The following TAFA1 variants were observed in gnomAD, a reference collection of about 807,000 sequenced individuals.
The protein encoded by TAFA1 is chemokine-like protein TAFA-1.
In TAFA1, 4 loss-of-function variants were observed where a neutral mutation model predicts 18.5. That is an observed-to-expected ratio of 0.22 (90% CI 0.11 to 0.49). The LOEUF (loss-of-function observed/expected upper bound fraction) is 0.49, where lower values mean the gene tolerates loss of function less well. Ranked by LOEUF, TAFA1 falls within the 20% of genes least tolerant of loss-of-function variation. The probability of loss-of-function intolerance (pLI) is 0.98; values close to 1 mark genes in which losing one functional copy is unlikely to be tolerated. For missense variants in TAFA1, 147 were observed against 169.0 expected, an observed-to-expected ratio of 0.87 and a Z score of 0.72; for synonymous variants, 56 against 55.2, an observed-to-expected ratio of 1.01 and a Z score of -0.06.
chr3:68,228,941 G>A (rs965178926), intron 2 of TAFA1, among the ~76,000 whole-genome samples: 1 of 152,068 alleles, frequency 6.6e-6, no homozygotes, highest in African/African-American at 2.4e-5. Context: ...ACTGGGGGAG[G>A]GATTTAAAGA....
At chr3:68,499,764 A>C (rs1232593626) in intron 3 of TAFA1, among the ~76,000 whole-genome samples, 1 of 151,922 alleles carries the variant, frequency 6.6e-6, no homozygotes, top group Non-Finnish European at 1.5e-5. Flanking sequence ...GGTAGTTATT[A>C]GAAGCAAAGG....
intron 2 of TAFA1, among the ~76,000 whole-genome samples, chr3:68,028,713 C>G (rs1704868724): frequency 6.6e-6 from 1 of 151,606 alleles, no homozygotes; most frequent in Non-Finnish European, 1.5e-5. Context: ...CATCTTCTGT[C>G]TGTCAAATCT....
chr3:68,080,409 C>T (rs978315737), intron 2 of TAFA1, among the ~76,000 whole-genome samples: 9 of 151,868 alleles, frequency 5.9e-5, no homozygotes, highest in African/African-American at 1.5e-4. Flanking sequence ...TTCCTAGTCT[C>T]GATGGTCTTT....
intron 3 of TAFA1, among the ~76,000 whole-genome samples, chr3:68,463,797 G>A (rs142280967): frequency 2.0e-4 from 31 of 151,994 alleles, no homozygotes; most frequent in East Asian, 5.8e-4. Flanking sequence ...TTTATTCTCC[G>A]TGTTCCATAT....
At chr3:68,019,410 A>T (rs933639725) in intron 2 of TAFA1, among the ~76,000 whole-genome samples, 11 of 152,180 alleles carry the variant, frequency 7.2e-5, no homozygotes, top group Non-Finnish European at 1.3e-4. Context: ...GCATAGGATA[A>T]ATCTACATTT....
intron 2 of TAFA1, among the ~76,000 whole-genome samples, chr3:68,396,386 A>T (rs555606466): frequency 6.6e-6 from 1 of 152,272 alleles, no homozygotes; most frequent in African/African-American, 2.4e-5. Flanking sequence ...CTCTGTCTCT[A>T]CTACCTTTCC....
intron 2 of TAFA1, among the ~76,000 whole-genome samples, chr3:68,030,413 T>C (rs1186285004): frequency 2.0e-5 from 3 of 152,058 alleles, no homozygotes; most frequent in Non-Finnish European, 2.9e-5. Context: ...ATCCTTCCCC[T>C]AACCCCCCAC....
intron 3 of TAFA1, among the ~76,000 whole-genome samples, chr3:68,417,952 T>C (rs934581831): frequency 3.3e-5 from 5 of 152,094 alleles, no homozygotes; most frequent in African/African-American, 4.8e-5. Flanking sequence ...TCTCTCACTA[T>C]CATAAGAACA....
At chr3:68,171,475 A>G (rs1384619152) in intron 2 of TAFA1, among the ~76,000 whole-genome samples, 2 of 152,204 alleles carry the variant, frequency 1.3e-5, no homozygotes, top group African/African-American at 4.8e-5. Context: ...TTTCACAGCA[A>G]TAGAAATGTA....
chr3:68,200,677 C>T lies in TAFA1; in HGVS notation c.118+193933C>T, dbSNP rs962349726. Among the ~76,000 whole-genome samples the T allele has an allele frequency of 4.0e-5, 6 of 151,650 alleles. No homozygotes were observed. In the East Asian group the frequency reaches 1.2e-3, roughly 30 times the overall value. On this transcript the variant is annotated intron_variant, in intron 2 of 4. Transcript: ENST00000478136. ...ATGTACATGGGATCTGTAGCATGTACTAATATTAAAAATGAAAGGACATCA... is the reference window on the plus strand; with the variant it reads ...ATGTACATGGGATCTGTAGCATGTATTAATATTAAAAATGAAAGGACATCA...
At chr3:68,332,449 GA>G (rs1362738136) in intron 2 of TAFA1, among the ~76,000 whole-genome samples, 1 of 152,072 alleles carries the variant, frequency 6.6e-6, no homozygotes, top group African/African-American at 2.4e-5. Context: ...GCACAGCAAA[GA>G]AAACAGTCAA....
At chr3:68,266,291 A>G (rs1242050905) in intron 2 of TAFA1, among the ~76,000 whole-genome samples, 1 of 152,176 alleles carries the variant, frequency 6.6e-6, no homozygotes, top group African/African-American at 2.4e-5. Flanking sequence ...CTTTGGCTTA[A>G]AAGAATGAGA....
intron 3 of TAFA1, among the ~76,000 whole-genome samples, chr3:68,503,124 C>T (rs1292770128): frequency 6.6e-6 from 1 of 152,122 alleles, no homozygotes; most frequent in Non-Finnish European, 1.5e-5. Flanking sequence ...TACTTGATCT[C>T]ATGTGACAAG....
At chr3:68,099,484 T>A (rs1403487773) in intron 2 of TAFA1, among the ~76,000 whole-genome samples, 1 of 152,080 alleles carries the variant, frequency 6.6e-6, no homozygotes, top group Non-Finnish European at 1.5e-5. Context: ...GAATGGCTAT[T>A]ATTAAAAAGT....
chr3:68,079,420 G>C (rs1177832896), intron 2 of TAFA1, among the ~76,000 whole-genome samples: 1 of 151,936 alleles, frequency 6.6e-6, no homozygotes, highest in Non-Finnish European at 1.5e-5. Flanking sequence ...GTCAATTTTG[G>C]ATCTTTCCTG....
At chr3:68,366,393 CA>C (rs1280562772) in intron 2 of TAFA1, among the ~76,000 whole-genome samples, 8 of 152,146 alleles carry the variant, frequency 5.3e-5, no homozygotes, top group Non-Finnish European at 1.0e-4. Flanking sequence ...ACAGAGGGCA[CA>C]AGGATTCTTG....
intron 2 of TAFA1, among the ~76,000 whole-genome samples, chr3:68,172,509 C>T (rs552995819): frequency 6.6e-6 from 1 of 152,250 alleles, no homozygotes; most frequent in South Asian, 2.1e-4. Context: ...AAATGTTAAA[C>T]ATAGCACTGC....
chr3:68,185,401 A>C (rs1485661549), intron 2 of TAFA1, among the ~76,000 whole-genome samples: 1 of 152,124 alleles, frequency 6.6e-6, no homozygotes, highest in Non-Finnish European at 1.5e-5. Flanking sequence ...CTGGAACCTC[A>C]AGGATGGTAT....
intron 3 of TAFA1, among the ~76,000 whole-genome samples, chr3:68,491,910 T>C (rs1317716819): frequency 6.6e-6 from 1 of 152,148 alleles, no homozygotes; most frequent in East Asian, 1.9e-4. Context: ...TTAACAAGAC[T>C]TCCAGATAAT....
Sources: gnomAD v4.1 joint callset for allele counts (sites outside exome capture counted in the v4.1 genomes callset) on GRCh38, gnomAD v4.1.1 for gene constraint, MANE v1.5 for transcripts, NCBI Gene and HGNC (gene_info 2026-07-23, HGNC 2026-07-21) for gene names.